SEZ6L: variants seen among roughly 807,000 people sequenced by gnomAD.
The protein encoded by SEZ6L is seizure related 6 homolog like.
SEZ6L carries 37 observed loss-of-function variants against 106.2 expected under a neutral mutation model. That is an observed-to-expected ratio of 0.35 (90% CI 0.27 to 0.46). The LOEUF (loss-of-function observed/expected upper bound fraction) is 0.46, where lower values mean the gene tolerates loss of function less well. Among genes scored for constraint, SEZ6L ranks in the 20% least tolerant of loss-of-function variants. The pLI is 1.00. For synonymous variants in SEZ6L, 541 were observed against 570.4 expected (o/e 0.95, Z 0.73); for missense variants, 1,172 against 1,332.8 (o/e 0.88, Z 1.88).
At chr22:26,259,569 G>A (rs889805601) in intron 1 of SEZ6L, among the ~76,000 whole-genome samples, 5 of 152,274 alleles carry the variant, frequency 3.3e-5, no homozygotes, top group Admixed American at 3.3e-4. Flanking sequence ...GAATAAAGGG[G>A]TCAGGAGGGC....
chr22:26,268,147 A>G (rs1354615302), intron 1 of SEZ6L, among the ~76,000 whole-genome samples: 1 of 152,204 alleles, frequency 6.6e-6, no homozygotes, highest in Non-Finnish European at 1.5e-5. Context: ...CTGCCTCAGG[A>G]GTTTCCTTTG....
chr22:26,233,203 AT>A (rs1468939116), intron 1 of SEZ6L, among the ~76,000 whole-genome samples: 3 of 152,176 alleles, frequency 2.0e-5, no homozygotes, highest in Admixed American at 6.5e-5. Flanking sequence ...CAAATTAGAT[AT>A]TGTCTGAAGC....
chr22:26,348,687 A>AAGG (rs2083140608), intron 11 of SEZ6L, among the ~76,000 whole-genome samples: 32 of 64,456 alleles, frequency 5.0e-4, no homozygotes, highest in South Asian at 1.7e-3. Context: ...AGAAAGAAAG[A>AAGG]AAGAAAGAAA....
At chr22:26,310,528 C>T (rs1364599631) in intron 6 of SEZ6L, 142 bp from the exon 7 acceptor site, 7 of 892,256 alleles carry the variant, frequency 7.8e-6, no homozygotes, top group Non-Finnish European at 1.2e-5. Context: ...AAGAGTGAAA[C>T]TCTGTCAAAA....
At chr22:26,254,863 G>C (rs1050939271) in intron 1 of SEZ6L, among the ~76,000 whole-genome samples, 11 of 152,076 alleles carry the variant, frequency 7.2e-5, no homozygotes, top group Admixed American at 1.3e-4. Flanking sequence ...CGTGGATAGA[G>C]GGATATCCTA....
At chr22:26,259,298 AC>A (rs1674911905) in intron 1 of SEZ6L, among the ~76,000 whole-genome samples, 1 of 152,368 alleles carries the variant, frequency 6.6e-6, no homozygotes, top group African/African-American at 2.4e-5. Flanking sequence ...TCTATCCTTG[AC>A]AATTTTTGAA....
chr22:26,330,551 G>A (rs1007252439), intron 9 of SEZ6L, among the ~76,000 whole-genome samples: 1 of 152,172 alleles, frequency 6.6e-6, no homozygotes, highest in Non-Finnish European at 1.5e-5. Context: ...ATGAAAGATG[G>A]AGGCTTTAAG....
chr22:26,381,068 T>G lies in SEZ6L; in HGVS notation c.*773T>G, dbSNP rs1252684271. ...TAAGGGAATTGGGTTAAAATGTTCT[T>G]TTCTTTGACACTCTTTCAATGATGA... On this transcript the variant is annotated 3_prime_UTR_variant, in exon 17 of 17. Transcript: ENST00000248933. The G allele has an allele frequency of 6.6e-6, 1 of 152,042 alleles. No individual in the cohort carries two copies. Among genetic ancestry groups the G allele is most frequent in the African/African-American group, 2.4e-5 (1 of 41,396 alleles). 9.4% of individuals were successfully genotyped at this position (152,042 alleles called of 1,614,324 possible). A position where few individuals can be genotyped will look rare whatever the true frequency, so the allele number is the denominator to read the frequency against.
chr22:26,351,263 T>A lies in SEZ6L; in HGVS notation c.2599+20T>A. The A allele has an allele frequency of 2.5e-6, 4 of 1,609,222 alleles. No individual in the cohort carries two copies. The highest frequency in any genetic ancestry group is 1.7e-6 in the Non-Finnish European group (2 of 1,176,646). On this transcript the variant is annotated intron_variant, in intron 12 of 16. Transcript: ENST00000248933. ...GCGTTTGTGAGTCCTGTTTAATGAA[T>A]TGGGCCCCCAGTAGGTAGAAGCAGA...
chr22:26,289,638 G>A (rs892766918), intron 1 of SEZ6L, among the ~76,000 whole-genome samples: 6 of 152,224 alleles, frequency 3.9e-5, no homozygotes, highest in African/African-American at 1.4e-4. Flanking sequence ...TGGCGGCCTG[G>A]AAGGAACACT....
chr22:26,282,022 C>A (rs993157370), intron 1 of SEZ6L, among the ~76,000 whole-genome samples: 2 of 152,310 alleles, frequency 1.3e-5, no homozygotes, highest in East Asian at 3.9e-4. Context: ...TATCTTCTAG[C>A]CTTTTGCTGC....
At chr22:26,353,988 T>G (rs1020178630) in intron 12 of SEZ6L, among the ~76,000 whole-genome samples, 3 of 152,074 alleles carry the variant, frequency 2.0e-5, no homozygotes, top group Non-Finnish European at 4.4e-5. Context: ...CACAGTGTCT[T>G]CGACATCCTA....
intron 1 of SEZ6L, among the ~76,000 whole-genome samples, chr22:26,200,466 G>A (rs564907808): frequency 1.3e-5 from 2 of 152,294 alleles, no homozygotes; most frequent in Admixed American, 6.5e-5. Flanking sequence ...CAAGTTAGTG[G>A]ACAGGACTTG....
At chr22:26,255,376 A>G (rs990706850) in intron 1 of SEZ6L, among the ~76,000 whole-genome samples, 2 of 152,194 alleles carry the variant, frequency 1.3e-5, no homozygotes, top group African/African-American at 4.8e-5. Context: ...CTTCATAGAG[A>G]AGAAGAATCC....
intron 6 of SEZ6L, among the ~76,000 whole-genome samples, chr22:26,309,758 T>C (rs1393274696): frequency 2.0e-5 from 3 of 152,148 alleles, no homozygotes; most frequent in Non-Finnish European, 4.4e-5. Flanking sequence ...TTTGTATTTT[T>C]AGTAGAGACG....
intron 9 of SEZ6L, among the ~76,000 whole-genome samples, chr22:26,321,639 G>A (rs1274190509): frequency 1.3e-5 from 2 of 152,120 alleles, no homozygotes; most frequent in African/African-American, 4.8e-5. Context: ...AGAGCTGCTG[G>A]GTTTAATTTA....
chr22:26,220,038 G>A (rs1273550718), intron 1 of SEZ6L, among the ~76,000 whole-genome samples: 1 of 152,168 alleles, frequency 6.6e-6, no homozygotes, highest in Admixed American at 6.5e-5. Flanking sequence ...GGATGCCAGT[G>A]AGCTTTGATG....
rs972076408 is a variant in SEZ6L, at chr22:26,169,677, C to T, written c.8C>T (p.Ala3Val). The T allele has an allele frequency of 6.1e-6, 8 of 1,309,460 alleles. No individual in the cohort carries two copies. In the African/African-American group the frequency reaches 1.1e-4, roughly 18 times the overall value. The allele number at this position is 1,309,460 out of a possible 1,614,324, so 81.1% of individuals were successfully genotyped here. MP[A>V]ARPPAAGLRG... Reference sequence around the variant, plus strand: ...GCGCCCCCTGCAGCCACGATGCCCGCGGCCCGGCCGCCCGCCGCGGGACTC... The same window carrying T: ...GCGCCCCCTGCAGCCACGATGCCCGTGGCCCGGCCGCCCGCCGCGGGACTC... The change falls in exon 1 of 17, where the codon GCG (alanine) becomes GTG (valine). Residue 3 changes from alanine to valine, a missense_variant. Coordinates refer to ENST00000248933, the MANE Select transcript of SEZ6L (RefSeq NM_021115.5).
At chr22:26,185,353 T>A (rs1265324542) in intron 1 of SEZ6L, among the ~76,000 whole-genome samples, 4 of 152,210 alleles carry the variant, frequency 2.6e-5, no homozygotes, top group Non-Finnish European at 2.9e-5. Flanking sequence ...AGACCTGAGT[T>A]CTGGAGATGA....
Sources: gnomAD v4.1 joint callset for allele counts (sites outside exome capture counted in the v4.1 genomes callset) on GRCh38, gnomAD v4.1.1 for gene constraint, MANE v1.5 for transcripts, NCBI Gene and HGNC (gene_info 2026-07-23, HGNC 2026-07-21) for gene names.